Variants in NOP9 observed in about 807,000 individuals in gnomAD.
NOP9 encodes nucleolar protein 9.
NOP9 carries 50 observed loss-of-function variants against 63.0 expected under a neutral mutation model. That is an observed-to-expected ratio of 0.79 (90% CI 0.63 to 1.00). The LOEUF (loss-of-function observed/expected upper bound fraction) is 1.00, where lower values mean the gene tolerates loss of function less well. NOP9 is among the 50% of genes least tolerant of loss of function. The probability of loss-of-function intolerance (pLI) is 0.00; values close to 1 mark genes in which losing one functional copy is unlikely to be tolerated. For synonymous variants in NOP9, 343 were observed against 332.8 expected (o/e 1.03, Z -0.33); for missense variants, 758 against 803.0 (o/e 0.94, Z 0.68).
upstream of NOP9, chr14:24,296,870 G>A (rs749847093): frequency 2.8e-5 from 46 of 1,614,188 alleles, no homozygotes; most frequent in East Asian, 6.5e-4. Flanking sequence ...ATTGGCCCCC[G>A]AGGGATTGTG....
chr14:24,300,019 G>A lies in NOP9; in HGVS notation c.65G>A (p.Gly22Glu), dbSNP rs771699726. ...GRRFPAGGKR[G>E]RGAKGSGRPL... Reference sequence around the variant, plus strand: ...CGGTTCCCAGCTGGTGGCAAACGGGGGCGCGGGGCCAAGGGGTCGGGGCGC... The same window carrying A: ...CGGTTCCCAGCTGGTGGCAAACGGGAGCGCGGGGCCAAGGGGTCGGGGCGC... The change falls in exon 1 of 10, where the codon GGG (glycine) becomes GAG (glutamate). Residue 22 changes from glycine to glutamate, a missense_variant. Gly to Glu is a moderately conservative substitution (Grantham distance 98). Transcript: ENST00000267425. The A allele has an allele frequency of 6.2e-7, 1 of 1,601,770 alleles. No individual in the cohort carries two copies. The highest frequency in any genetic ancestry group is 1.1e-5 in the South Asian group (1 of 90,758).
chr14:24,292,759 CA>C, the NOP9 span: 1 of 1,613,534 alleles, frequency 6.2e-7, no homozygotes, highest in African/African-American at 1.3e-5. Flanking sequence ...AGCCGTGCCC[CA>C]TACACTGAGC....
At chr14:24,292,257 C>G in the NOP9 span, 1 of 1,614,062 alleles carries the variant, frequency 6.2e-7, no homozygotes, top group Admixed American at 1.7e-5. Context: ...CTGCACAATC[C>G]CCGGCCACAG....
At chr14:24,281,196 C>A in the NOP9 span, among the ~76,000 whole-genome samples, 1 of 152,140 alleles carries the variant, frequency 6.6e-6, no homozygotes, top group Non-Finnish European at 1.5e-5. Context: ...CTCTTAGGCC[C>A]CTGAGCGGGG....
chr14:24,289,250 G>A, the NOP9 span, among the ~76,000 whole-genome samples: 1 of 152,062 alleles, frequency 6.6e-6, no homozygotes, highest in South Asian at 2.1e-4. Context: ...CCAAAGTGCT[G>A]GGATTACAGG....
chr14:24,298,815 T>G (rs2139107218), upstream of NOP9: 4 of 1,065,914 alleles, frequency 3.8e-6, no homozygotes, highest in South Asian at 5.2e-5. Context: ...ATTTACGGGG[T>G]TTTTAATTTC....
At chr14:24,298,831 T>C (rs997020856), upstream of NOP9, 19 of 1,148,330 alleles carry the variant, frequency 1.7e-5, 1 homozygote, top group African/African-American at 3.0e-4. Context: ...ATTTCCACTT[T>C]GAATAAATAT....
the NOP9 span, among the ~76,000 whole-genome samples, chr14:24,277,083 A>G: frequency 7.2e-4 from 109 of 152,238 alleles, no homozygotes; most frequent in Non-Finnish European, 1.1e-3. Context: ...GAGAAGGACT[A>G]TTTCTGAGGA....
At chr14:24,275,131 T>C in the NOP9 span, among the ~76,000 whole-genome samples, 1 of 148,874 alleles carries the variant, frequency 6.7e-6, no homozygotes, top group Non-Finnish European at 1.5e-5. Context: ...AGGCTGGTCT[T>C]GAACTCCCGA....
the NOP9 span, chr14:24,292,509 A>G: frequency 2.0e-6 from 3 of 1,520,610 alleles, no homozygotes; most frequent in Non-Finnish European, 1.8e-6. Context: ...GAGCACAAGC[A>G]AAGGAACTGT....
rs1438097520 is a variant in NOP9, at chr14:24,299,938, C to T, written c.-17C>T. 1.3e-6 allele frequency: 2 copies of T among 1,519,918 alleles called. No individual in the cohort carries two copies. The highest frequency in any genetic ancestry group is 2.2e-5 in the Admixed American group (1 of 45,256). 94.2% of individuals were successfully genotyped at this position (1,519,918 alleles called of 1,614,324 possible). On this transcript the variant is annotated 5_prime_UTR_variant, in exon 1 of 10. Transcript: ENST00000267425. ...AGTTAAGGAAGCTTTTGCAGCCGGA[C>T]AGGTCGCGAAGCACACATGGGGCAG...
At chr14:24,301,940 C>T (rs1594619226) in intron 3 of NOP9, 25 bp from the exon 4 acceptor site, 1 of 1,595,814 alleles carries the variant, frequency 6.3e-7, no homozygotes, top group Non-Finnish European at 8.5e-7. Flanking sequence ...GGGAAAGCCG[C>T]TTTATTTCTG....
chr14:24,282,650 T>C, the NOP9 span, among the ~76,000 whole-genome samples: 35 of 152,294 alleles, frequency 2.3e-4, no homozygotes, highest in African/African-American at 8.2e-4. Flanking sequence ...TACTCACCAA[T>C]ATGGGGCATA....
At chr14:24,287,926 A>G in the NOP9 span, among the ~76,000 whole-genome samples, 8 of 152,136 alleles carry the variant, frequency 5.3e-5, no homozygotes, top group Admixed American at 2.0e-4. Flanking sequence ...TGATTCCCCA[A>G]AATGTCCTAG....
chr14:24,305,266 T>A lies in NOP9; in HGVS notation c.*171T>A. ...AAGGGTATGAAGACAGATCTCAAGG[T>A]AAAGTCAGAGAGGGCTGTCATCAGT... On this transcript the variant is annotated 3_prime_UTR_variant, in exon 10 of 10. Transcript: ENST00000267425. 1.4e-6 allele frequency: 1 copy of A among 733,060 alleles called. No individual in the cohort carries two copies. Among genetic ancestry groups the A allele is most frequent in the Non-Finnish European group, 2.0e-6 (1 of 499,270 alleles). The allele number at this position is 733,060 out of a possible 1,614,324, so 45.4% of individuals were successfully genotyped here.
upstream of NOP9, chr14:24,299,109 C>G: frequency 6.2e-7 from 1 of 1,611,148 alleles, no homozygotes; most frequent in Non-Finnish European, 8.5e-7. Flanking sequence ...GCTGCCATGA[C>G]TCACAGGCAA....
rs1330300115 is a variant in NOP9 at position 24,306,408 on chromosome 14, A to G, written c.*1313A>G. 1.9e-6 allele frequency: 3 copies of G among 1,614,058 alleles called. No homozygotes were observed. Among genetic ancestry groups the G allele is most frequent in the African/African-American group, 2.7e-5 (2 of 74,916 alleles). On this transcript the variant is annotated 3_prime_UTR_variant, in exon 10 of 10. Transcript: ENST00000267425. ...GCTCCAGCTCTGACCAGACTGCAAC[A>G]CCATCAGGCACGTGTCATCCTCCAG...
At chr14:24,296,886 A>G (rs758997793), upstream of NOP9, 1 of 1,614,176 alleles carries the variant, frequency 6.2e-7, no homozygotes, top group East Asian at 2.2e-5. Flanking sequence ...TTGTGCCTGG[A>G]GTAGGACAGG....
upstream of NOP9, chr14:24,296,641 G>A (rs2041252635): frequency 6.2e-7 from 1 of 1,613,410 alleles, no homozygotes; most frequent in Non-Finnish European, 8.5e-7. Context: ...AGGTGTGAGG[G>A]GCTGGGTAAT....
Sources: gnomAD v4.1 joint callset for allele counts (sites outside exome capture counted in the v4.1 genomes callset) on GRCh38, gnomAD v4.1.1 for gene constraint, MANE v1.5 for transcripts, NCBI Gene and HGNC (gene_info 2026-07-23, HGNC 2026-07-21) for gene names.